The following SHISA4 variants were observed in gnomAD, a reference collection of about 807,000 sequenced individuals.
The protein encoded by SHISA4 is shisa family member 4.
A neutral mutation model predicts 24.2 loss-of-function variants in SHISA4; 16 were observed. The observed-to-expected ratio is 0.66, with a 90% CI of 0.45 to 1.00. The LOEUF (loss-of-function observed/expected upper bound fraction) is 1.00, where lower values mean the gene tolerates loss of function less well. Ranked by LOEUF, SHISA4 falls within the 50% of genes least tolerant of loss-of-function variation. SHISA4 has a pLI of 0.00. For missense variants in SHISA4, 238 were observed against 258.9 expected, an observed-to-expected ratio of 0.92 and a Z score of 0.55; for synonymous variants, 106 against 105.4, an observed-to-expected ratio of 1.01 and a Z score of -0.04.
At chr1:201,891,658 C>A in intron 4 of SHISA4, 90 bp downstream of exon 4, 1 of 1,532,902 alleles carries the variant, frequency 6.5e-7, no homozygotes, top group Non-Finnish European at 9.0e-7. Context: ...CTCAGATTCC[C>A]TCTCCCAGAC....
At position 201,892,078 on chromosome 1, in the gene SHISA4, G is replaced by A. The variant is rs1681111614; in HGVS notation, c.*232G>A. 1.8e-6 allele frequency: 1 copy of A among 555,580 alleles called. No homozygotes were observed. The highest frequency in any genetic ancestry group is 3.1e-5 in the Admixed American group (1 of 31,768). The allele number at this position is 555,580 out of a possible 1,614,324, so 34.4% of individuals were successfully genotyped here. ...CTTGGAATTATGGGCTATTTTTACT[G>A]GGGGCAAGGGAGGGAGATGACAGCC... On this transcript the variant is annotated 3_prime_UTR_variant, in exon 5 of 5. Transcript: ENST00000362011.
rs1217349827 is a variant in SHISA4, at chr1:201,889,431, A to G, written c.74-14A>G. On this transcript the variant is annotated splice_polypyrimidine_tract_variant and intron_variant, in intron 1 of 4. Transcript: ENST00000362011. ...GCCTGGTGGCCACTGGGCACCCCCA[A>G]TCCCTGCCCGCAGTGCTGGCCGGCG... 1.2e-6 allele frequency: 2 copies of G among 1,610,530 alleles called. No individual in the cohort carries two copies. Among genetic ancestry groups the G allele is most frequent in the East Asian group, 2.2e-5 (1 of 44,850 alleles).
rs1681100999 is a variant in SHISA4, at chr1:201,891,573, G to A, written c.547+5G>A. On this transcript the variant is annotated splice_donor_5th_base_variant and intron_variant, in intron 4 of 4. Coordinates refer to ENST00000362011, the MANE Select transcript of SHISA4 (RefSeq NM_198149.3). The stretch of plus-strand genomic sequence containing the variant: ...CCCCAGTCTACAACCCTGCAGGTAA[G>A]TAAGCAATCTGGAGCCCCTTGCTGC... 2 of 1,605,398 alleles carry A rather than the reference G, an allele frequency of 1.2e-6. No individual in the cohort carries two copies. Among genetic ancestry groups the A allele is most frequent in the Non-Finnish European group, 8.5e-7 (1 of 1,175,062 alleles).
upstream of SHISA4, chr1:201,888,884 A>T: frequency 1.6e-6 from 1 of 644,944 alleles, no homozygotes; most frequent in Non-Finnish European, 2.3e-6. Flanking sequence ...GAGGCGGAAG[A>T]GGAGCCCGAG....
At chr1:201,889,395 G>A in intron 1 of SHISA4, 50 bp from the exon 2 acceptor site, 1 of 1,602,808 alleles carries the variant, frequency 6.2e-7, no homozygotes. Context: ...AGCGCGGCTG[G>A]GGATGAACTG....
intron 4 of SHISA4, 95 bp from the exon 5 acceptor site, chr1:201,891,705 C>CT (rs1192500752): frequency 2.4e-5 from 37 of 1,557,922 alleles, no homozygotes; most frequent in Non-Finnish European, 3.3e-5. Context: ...CAGGCCCACT[C>CT]TTCCCTATGG....
In SHISA4 at chr1:201,889,033, C is replaced by T. The variant is rs1681040206; in HGVS notation, c.39C>T (p.Thr13=). Residue 13 remains threonine, a synonymous_variant, in exon 1 of 5, where the codon ACC becomes ACT. Coordinates refer to ENST00000362011, the MANE Select transcript of SHISA4 (RefSeq NM_198149.3). ...PAGLRRAAPL[T]AIALLVLGAP... ...GGCTCCGCCGGGCCGCGCCGCTCAC[C>T]GCAATCGCTCTGTTGGTGCTGGGGG... 12 of 1,380,048 alleles carry T rather than the reference C, an allele frequency of 8.7e-6. No homozygotes were observed. Among genetic ancestry groups the T allele is most frequent in the African/African-American group, 1.5e-5 (1 of 65,560 alleles). 85.5% of individuals were successfully genotyped at this position (1,380,048 alleles called of 1,614,324 possible).
intron 1 of SHISA4, 178 bp downstream of exon 1, chr1:201,889,245 G>A (rs941678732): frequency 6.5e-6 from 6 of 916,406 alleles, no homozygotes; most frequent in Non-Finnish European, 9.6e-6. Flanking sequence ...TGGGCCATGG[G>A]AGGCTGATCC....
intron 1 of SHISA4, 127 bp downstream of exon 1, chr1:201,889,194 G>A (rs560266199): frequency 9.8e-7 from 1 of 1,018,888 alleles, no homozygotes; most frequent in Non-Finnish European, 1.4e-6. Context: ...CTTGGGTGTT[G>A]CTGGGTCCTC....
rs1681053834 is a variant in SHISA4 at position 201,889,559 on chromosome 1, G to A, written c.188G>A (p.Cys63Tyr). ...CCGTCYHRYC[C>Y]RDLTLLITER... ...GGGACCTGCTACCATCGGTACTGCTGCAGGGACCTGACCTTGCTTATCACC... is the reference window on the plus strand; with the variant it reads ...GGGACCTGCTACCATCGGTACTGCTACAGGGACCTGACCTTGCTTATCACC... Residue 63 changes from cysteine to tyrosine, a missense_variant, in exon 2 of 5, where the codon TGC (cysteine) becomes TAC (tyrosine). Transcript: ENST00000362011. The A allele has an allele frequency of 6.2e-7, 1 of 1,613,942 alleles. No individual in the cohort carries two copies. The highest frequency in any genetic ancestry group is 8.5e-7 in the Non-Finnish European group (1 of 1,180,032).
intron 4 of SHISA4, 106 bp from the exon 5 acceptor site, chr1:201,891,694 C>T (rs906926996): frequency 6.5e-7 from 1 of 1,549,302 alleles, no homozygotes; most frequent in Non-Finnish European, 8.9e-7. Context: ...CCCGAAACCT[C>T]CAGGCCCACT....
Position 201,891,560 on chromosome 1 carries a change from A to C in SHISA4, c.539A>C (p.Asn180Thr), listed in dbSNP as rs1368101815. Reference sequence around the variant, plus strand: ...TACCCAGCTGGGCCCCCAGTCTACAACCCTGCAGGTAAGTAAGCAATCTGG... The same window carrying C: ...TACCCAGCTGGGCCCCCAGTCTACACCCCTGCAGGTAAGTAAGCAATCTGG... ...PLYPAGPPVY[N>T]PAAPPPYMPP... is the part of the protein sequence containing the mutation. Residue 180 changes from asparagine to threonine, a missense_variant, in exon 4 of 5, where the codon AAC becomes ACC. By Grantham distance (65) the Asn-to-Thr change is moderately conservative (BLOSUM62 0). Transcript: ENST00000362011. 6.2e-7 allele frequency: 1 copy of C among 1,609,464 alleles called. No individual in the cohort carries two copies. The highest frequency in any genetic ancestry group is 1.3e-5 in the African/African-American group (1 of 74,644).
At chr1:201,891,326 T>C (rs1211895842) in intron 3 of SHISA4, 75 bp from the exon 4 acceptor site, 1 of 1,589,762 alleles carries the variant, frequency 6.3e-7, no homozygotes, top group African/African-American at 1.3e-5. Context: ...GTGCTTACCT[T>C]GGTTTCCTGG....
rs556738366 is a variant in SHISA4 at position 201,892,043 on chromosome 1, G to T, written c.*197G>T. On this transcript the variant is annotated 3_prime_UTR_variant, in exon 5 of 5. Transcript: ENST00000362011. Reference sequence around the variant, plus strand: ...AGCTGAACTAGAACTATGAGGGGTTGGGGGGAGGGCTTGGAATTATGGGCT... The same window carrying T: ...AGCTGAACTAGAACTATGAGGGGTTTGGGGGAGGGCTTGGAATTATGGGCT... 1 of 622,294 alleles carries T rather than the reference G, an allele frequency of 1.6e-6. No individual in the cohort carries two copies. Among genetic ancestry groups the T allele is most frequent in the Non-Finnish European group, 2.8e-6 (1 of 354,772 alleles). The allele number at this position is 622,294 out of a possible 1,614,324, so 38.5% of individuals were successfully genotyped here.
chr1:201,889,480 C>T lies in SHISA4; in HGVS notation c.109C>T (p.Arg37Trp). Residue 37 changes from arginine to tryptophan, a missense_variant, in exon 2 of 5, where the codon CGG becomes TGG. Coordinates refer to ENST00000362011, the MANE Select transcript of SHISA4 (RefSeq NM_198149.3). ...CGAGGACTGCCTGTGGTACCTGGACCGGAATGGCTCCTGGCATCCGGGGTT... is the reference window on the plus strand; with the variant it reads ...CGAGGACTGCCTGTGGTACCTGGACTGGAATGGCTCCTGGCATCCGGGGTT... ...AGEDCLWYLD[R>W]NGSWHPGFNC... is the part of the protein sequence containing the mutation. 6.2e-7 allele frequency: 1 copy of T among 1,613,850 alleles called. No individual in the cohort carries two copies. Among genetic ancestry groups the T allele is most frequent in the Non-Finnish European group, 8.5e-7 (1 of 1,180,028 alleles).
At chr1:201,891,595 C>T (rs767811189) in intron 4 of SHISA4, 27 bp downstream of exon 4, 8 of 1,591,442 alleles carry the variant, frequency 5.0e-6, no homozygotes, top group Non-Finnish European at 6.9e-6. Flanking sequence ...GAGCCCCTTG[C>T]TGCTGCCTTC....
Position 201,889,728 on chromosome 1 carries a change from G to A in SHISA4, c.245+112G>A. 3 of 1,266,118 alleles carry A rather than the reference G, an allele frequency of 2.4e-6. 1 individual carries two copies. Among genetic ancestry groups the A allele is most frequent in the East Asian group, 4.7e-5 (2 of 42,368 alleles). The allele number at this position is 1,266,118 out of a possible 1,614,324, so 78.4% of individuals were successfully genotyped here. A position where few individuals can be genotyped will look rare whatever the true frequency, so the allele number is the denominator to read the frequency against. ...TCCGTTGTCGACCTCCACATTCTTA[G>A]CTGAATAGAGTCACCAGGACTCAAG... is the stretch of plus-strand genomic sequence containing the variant. On this transcript the variant is annotated intron_variant, in intron 2 of 4. Transcript: ENST00000362011.
chr1:201,891,673 T>A, intron 4 of SHISA4, 105 bp downstream of exon 4: 1 of 1,537,578 alleles, frequency 6.5e-7, no homozygotes, highest in Admixed American at 1.7e-5. Flanking sequence ...CCAGACTTCC[T>A]CCACCTCTAG....
At chr1:201,891,663 C>T (rs1413905890) in intron 4 of SHISA4, 95 bp downstream of exon 4, 3 of 1,537,170 alleles carry the variant, frequency 2.0e-6, no homozygotes, top group Non-Finnish European at 2.7e-6. Context: ...ATTCCCTCTC[C>T]CAGACTTCCT....
Sources: gnomAD v4.1 joint callset for allele counts on GRCh38, gnomAD v4.1.1 for gene constraint, MANE v1.5 for transcripts, NCBI Gene and HGNC (gene_info 2026-07-23, HGNC 2026-07-21) for gene names.